Variants in GBE1 observed in about 807,000 individuals in gnomAD.
GBE1 encodes 1,4-alpha-glucan branching enzyme 1.
Under a neutral mutation model 88.8 loss-of-function variants are expected in GBE1, and 70 were observed. That is an observed-to-expected ratio of 0.79 (90% CI 0.65 to 0.96). GBE1 has a LOEUF of 0.96. Ranked by LOEUF, GBE1 falls within the 40% of genes least tolerant of loss-of-function variation. The probability of loss-of-function intolerance (pLI) is 0.00; values close to 1 mark genes in which losing one functional copy is unlikely to be tolerated. For synonymous variants in GBE1, 284 were observed against 300.1 expected (o/e 0.95, Z 0.56); for missense variants, 872 against 871.0 (o/e 1.00, Z -0.01).
At chr3:81,513,082 TTGG>T (rs1175299244) in intron 14 of GBE1, among the ~76,000 whole-genome samples, 1 of 151,620 alleles carries the variant, frequency 6.6e-6, no homozygotes, top group Admixed American at 6.6e-5. Context: ...TGCCCACTGC[TTGG>T]TGAATAGGGC....
chr3:81,638,718 T>G lies in GBE1; in HGVS notation c.992+4063A>C, dbSNP rs1197345702. Among the ~76,000 whole-genome samples the G allele has an allele frequency of 3.3e-5, 5 of 152,166 alleles. No individual in the cohort carries two copies. In the East Asian group the frequency reaches 9.6e-4, roughly 29 times the overall value. Reference sequence around the variant, plus strand: ...TGGGCAGCTCCTGATTGGAAATTTATTCATAGCAGGTAATGAAATAGCACA... The same window carrying G: ...TGGGCAGCTCCTGATTGGAAATTTAGTCATAGCAGGTAATGAAATAGCACA... On this transcript the variant is annotated intron_variant, in intron 7 of 15. Coordinates refer to ENST00000429644, the MANE Select transcript of GBE1 (RefSeq NM_000158.4).
intron 3 of GBE1, among the ~76,000 whole-genome samples, chr3:81,656,427 C>G (rs772708279): frequency 3.3e-5 from 5 of 152,132 alleles, no homozygotes; most frequent in Non-Finnish European, 7.4e-5. Context: ...CCTAGAACCT[C>G]CAGAGGGACT....
At chr3:81,750,657 A>ATGTG (rs1320935649) in intron 1 of GBE1, among the ~76,000 whole-genome samples, 4 of 45,942 alleles carry the variant, frequency 8.7e-5, no homozygotes, top group East Asian at 3.2e-3. Context: ...ATATATATAT[A>ATGTG]TGTATATATA....
At chr3:81,654,092 AAAT>A (rs1264561911) in intron 3 of GBE1, among the ~76,000 whole-genome samples, 2 of 152,174 alleles carry the variant, frequency 1.3e-5, no homozygotes, top group African/African-American at 4.8e-5. Flanking sequence ...TAATAATACC[AAAT>A]AATACCATAA....
Position 81,591,142 on chromosome 3 carries a change from G to A in GBE1, c.1131C>T (p.Tyr377=). 3.1e-6 allele frequency: 5 copies of A among 1,603,780 alleles called. No individual in the cohort carries two copies. The highest frequency in any genetic ancestry group is 4.3e-6 in the Non-Finnish European group (5 of 1,174,172). The stretch of plus-strand genomic sequence containing the variant: ...CTACTTGTAGTCCGAAATATTCACT[G>A]TAATCACCTGAGAAACCTTGACCTT... ...HGVGQGFSGD[Y]SEYFGLQVDE... is the part of the protein sequence containing the mutation. Residue 377 remains tyrosine, a synonymous_variant, in exon 9 of 16, where the codon TAC becomes TAT. Coordinates refer to ENST00000429644, the MANE Select transcript of GBE1 (RefSeq NM_000158.4).
At chr3:81,643,042 C>A in intron 6 of GBE1, 52 bp from the exon 7 acceptor site, 1 of 1,215,256 alleles carries the variant, frequency 8.2e-7, no homozygotes. Context: ...TTAGAGGAAA[C>A]AGCCGATTGT....
At chr3:81,752,253 A>G (rs1212194122) in intron 1 of GBE1, among the ~76,000 whole-genome samples, 1 of 152,220 alleles carries the variant, frequency 6.6e-6, no homozygotes, top group African/African-American at 2.4e-5. Flanking sequence ...TCTAATTAAT[A>G]TGCACATATC....
intron 4 of GBE1, 135 bp downstream of exon 4, chr3:81,649,661 G>A (rs1704816898): frequency 1.1e-5 from 7 of 634,846 alleles, no homozygotes; most frequent in Non-Finnish European, 1.8e-5. Flanking sequence ...CAGTATAAAA[G>A]GAATACTATG....
At chr3:81,619,808 T>C (rs953046946) in intron 7 of GBE1, among the ~76,000 whole-genome samples, 7 of 152,110 alleles carry the variant, frequency 4.6e-5, no homozygotes, top group African/African-American at 1.4e-4. Context: ...GCTTTTCACA[T>C]TTATTTTGAC....
At chr3:81,634,294 T>C (rs1463712401) in intron 7 of GBE1, among the ~76,000 whole-genome samples, 4 of 152,256 alleles carry the variant, frequency 2.6e-5, no homozygotes, top group Non-Finnish European at 5.9e-5. Flanking sequence ...ACATAAATAA[T>C]ATCATTATGA....
At chr3:81,497,762 C>T (rs1251124433) in intron 15 of GBE1, among the ~76,000 whole-genome samples, 3 of 152,122 alleles carry the variant, frequency 2.0e-5, no homozygotes, top group Admixed American at 6.6e-5. Context: ...TCAGTTGCTC[C>T]TTCCCAATGA....
At chr3:81,668,954 A>G (rs1328683598) in intron 3 of GBE1, among the ~76,000 whole-genome samples, 10 of 152,198 alleles carry the variant, frequency 6.6e-5, no homozygotes. Context: ...CCTTAAAGGC[A>G]GTAATTTTTA....
chr3:81,652,988 A>G (rs3821552), intron 3 of GBE1, among the ~76,000 whole-genome samples: 44,299 of 152,020 alleles, frequency 0.29, 6,731 homozygotes, highest in East Asian at 0.47. Flanking sequence ...TCAGCATGCT[A>G]TGGAGCAAAC....
intron 3 of GBE1, among the ~76,000 whole-genome samples, chr3:81,666,143 C>T (rs759861578): frequency 5.5e-4 from 84 of 151,820 alleles, no homozygotes; most frequent in Non-Finnish European, 1.0e-3. Flanking sequence ...AAACTGAAGA[C>T]TAATAGGCAC....
chr3:81,581,671 T>C (rs1385936135), intron 10 of GBE1, among the ~76,000 whole-genome samples: 1 of 152,140 alleles, frequency 6.6e-6, no homozygotes, highest in East Asian at 1.9e-4. Context: ...TATTTGTTTA[T>C]ATGAAAAAAA....
At chr3:81,742,787 A>C (rs1240587513) in intron 1 of GBE1, among the ~76,000 whole-genome samples, 1 of 152,142 alleles carries the variant, frequency 6.6e-6, no homozygotes, top group Non-Finnish European at 1.5e-5. Flanking sequence ...TGGGAACAGC[A>C]ACCTGATAAA....
At chr3:81,585,502 C>T (rs1468244618) in intron 10 of GBE1, among the ~76,000 whole-genome samples, 1 of 150,882 alleles carries the variant, frequency 6.6e-6, no homozygotes, top group Non-Finnish European at 1.5e-5. Context: ...TTTAGGCAAA[C>T]ATTAAATGAA....
intron 1 of GBE1, among the ~76,000 whole-genome samples, chr3:81,729,690 C>T (rs1471077767): frequency 6.6e-6 from 1 of 152,096 alleles, no homozygotes; most frequent in Non-Finnish European, 1.5e-5. Flanking sequence ...CAGATGAACA[C>T]TGATGGTCAA....
At chr3:81,706,550 A>G (rs1705777939) in intron 1 of GBE1, among the ~76,000 whole-genome samples, 1 of 152,206 alleles carries the variant, frequency 6.6e-6, no homozygotes, top group Non-Finnish European at 1.5e-5. Context: ...GGCAATGCCA[A>G]TAAGCTTCTC....
Sources: gnomAD v4.1 joint callset for allele counts (sites outside exome capture counted in the v4.1 genomes callset) on GRCh38, gnomAD v4.1.1 for gene constraint, MANE v1.5 for transcripts, NCBI Gene and HGNC (gene_info 2026-07-23, HGNC 2026-07-21) for gene names.